BPGM: variants seen among roughly 807,000 people sequenced by gnomAD.
The protein encoded by BPGM is 2,3-bisphosphoglycerate mutase, erythrocyte.
Under a neutral mutation model 21.6 loss-of-function variants are expected in BPGM, and 15 were observed. The observed-to-expected ratio is 0.70, with a 90% CI of 0.47 to 1.07. The LOEUF is 1.07. Ranked by LOEUF, BPGM falls within the 50% of genes least tolerant of loss-of-function variation. The pLI is 0.00. For missense variants in BPGM, 273 were observed against 319.0 expected (o/e 0.86, Z 1.10); for synonymous variants, 113 against 116.2 (o/e 0.97, Z 0.18).
At chr7:134,649,297 ATTGTAGAAAAT>A (rs1795519655) in intron 1 of BPGM, among the ~76,000 whole-genome samples, 1 of 152,202 alleles carries the variant, frequency 6.6e-6, no homozygotes, top group Admixed American at 6.5e-5. Flanking sequence ...AAACCAGATT[ATTGTAGAAAAT>A]TTGGAGCATA....
intron 2 of BPGM, among the ~76,000 whole-genome samples, chr7:134,664,726 G>T (rs988027101): frequency 5.9e-5 from 9 of 152,144 alleles, no homozygotes; most frequent in Non-Finnish European, 1.3e-4. Context: ...TATAAATGGG[G>T]TCTATCTATA....
intron 2 of BPGM, among the ~76,000 whole-genome samples, chr7:134,663,083 A>C (rs761297956): frequency 1.3e-5 from 2 of 152,216 alleles, no homozygotes; most frequent in Non-Finnish European, 2.9e-5. Flanking sequence ...GCTTACTGGT[A>C]ATAAATAGAA....
At chr7:134,674,424 G>C (rs1313190950) in intron 2 of BPGM, among the ~76,000 whole-genome samples, 1 of 151,974 alleles carries the variant, frequency 6.6e-6, no homozygotes, top group Non-Finnish European at 1.5e-5. Flanking sequence ...ATTCCACCCA[G>C]CCCTGGGCAA....
chr7:134,672,806 A>G (rs1307037472), intron 2 of BPGM, among the ~76,000 whole-genome samples: 1 of 152,068 alleles, frequency 6.6e-6, no homozygotes, highest in African/African-American at 2.4e-5. Context: ...CTTTCTTAGG[A>G]TGATGAATGT....
intron 1 of BPGM, among the ~76,000 whole-genome samples, chr7:134,649,906 G>A (rs759222114): frequency 2.0e-5 from 3 of 152,114 alleles, no homozygotes; most frequent in Non-Finnish European, 2.9e-5. Context: ...TTGCTTTGAC[G>A]GGCCTGAGAT....
rs192748937 is a variant in BPGM, at chr7:134,648,925, T to G, written c.-62+1988T>G. Among the ~76,000 whole-genome samples the G allele has an allele frequency of 3.5e-3, 526 of 152,362 alleles. 3 individuals carry two copies. Among genetic ancestry groups the G allele is most frequent in the African/African-American group, 0.012 (497 of 41,584 alleles). ...ACAAGCAGAATCTCATTGCAGTAAA[T>G]TCTGTACCATCTATTAGCAAGTAAA... is the stretch of plus-strand genomic sequence containing the variant. On this transcript the variant is annotated intron_variant, in intron 1 of 2. Coordinates refer to ENST00000344924, the MANE Select transcript of BPGM (RefSeq NM_001724.5).
intron 2 of BPGM, among the ~76,000 whole-genome samples, chr7:134,664,021 C>T (rs1795777024): frequency 6.6e-6 from 1 of 152,174 alleles, no homozygotes; most frequent in South Asian, 2.1e-4. Context: ...GCAAAACTTA[C>T]TTTTCTACAT....
At position 134,678,961 on chromosome 7, in the gene BPGM, AC is replaced by A; in HGVS notation, c.712del (p.Gln238LysfsTer11). On this transcript the variant is annotated frameshift_variant, in exon 3 of 3. Coordinates refer to ENST00000344924, the MANE Select transcript of BPGM (RefSeq NM_001724.5). LOFTEE classifies it high-confidence loss of function. Reference protein sequence around the residue: ...RAVGPHQFLGDQEAIQAAIKK... With the variant: ...RAVGPHQFLGXQEAIQAAIKK... ...GTTGGGCCTCATCAGTTCCTGGGTGACCAAGAGGCGATCCAAGCAGCCATTA... is the reference window on the plus strand; with the variant it reads ...GTTGGGCCTCATCAGTTCCTGGGTGACAAGAGGCGATCCAAGCAGCCATTA... 6.2e-7 allele frequency: 1 copy of A among 1,614,190 alleles called. No individual in the cohort carries two copies. The highest frequency in any genetic ancestry group is 1.1e-5 in the South Asian group (1 of 91,084).
At chr7:134,671,793 G>A (rs1488706587) in intron 2 of BPGM, among the ~76,000 whole-genome samples, 2 of 152,208 alleles carry the variant, frequency 1.3e-5, no homozygotes, top group East Asian at 3.8e-4. Flanking sequence ...CCATAAAAGT[G>A]TTACTTACAG....
At chr7:134,675,917 G>T (rs1795978083) in intron 2 of BPGM, among the ~76,000 whole-genome samples, 1 of 152,046 alleles carries the variant, frequency 6.6e-6, no homozygotes, top group African/African-American at 2.4e-5. Context: ...GTATAGTTTT[G>T]TACTTCTTAG....
chr7:134,654,952 T>A (rs536775667), intron 1 of BPGM, among the ~76,000 whole-genome samples: 1 of 152,310 alleles, frequency 6.6e-6, no homozygotes, highest in South Asian at 2.1e-4. Flanking sequence ...GTGTAAAAGA[T>A]GTTTCCTTAG....
At chr7:134,652,748 C>G (rs1020218703) in intron 1 of BPGM, among the ~76,000 whole-genome samples, 1 of 152,176 alleles carries the variant, frequency 6.6e-6, no homozygotes, top group Non-Finnish European at 1.5e-5. Flanking sequence ...CCATGCCTGA[C>G]TTATTTCACC....
At chr7:134,648,120 TC>T (rs1795492063) in intron 1 of BPGM, among the ~76,000 whole-genome samples, 2 of 136,266 alleles carry the variant, frequency 1.5e-5, no homozygotes, top group Non-Finnish European at 3.0e-5. Context: ...TTTCTTTCTT[TC>T]TTTTGTTTTG....
intron 2 of BPGM, among the ~76,000 whole-genome samples, chr7:134,673,445 A>G (rs1044417081): frequency 1.3e-5 from 2 of 152,096 alleles, no homozygotes; most frequent in Middle Eastern, 3.2e-3. Flanking sequence ...CACAAAAGGG[A>G]CCAAACTTGA....
chr7:134,648,166 G>A lies in BPGM; in HGVS notation c.-62+1229G>A, dbSNP rs187552397. On this transcript the variant is annotated intron_variant, in intron 1 of 2. Transcript: ENST00000344924. ...TTGTTTTGTTTTCAGACGGAGTTTC[G>A]CTTCTGTTGCCCAGGCTGGAGTGCA... Among the ~76,000 whole-genome samples the A allele has an allele frequency of 3.3e-4, 46 of 139,654 alleles. No individual in the cohort carries two copies. The East Asian group carries it at 8.8e-3, about 27-fold the overall frequency. The allele number at this position is 139,654 out of a possible 152,430, so 91.6% of individuals were successfully genotyped here.
At chr7:134,671,898 C>G (rs1363738696) in intron 2 of BPGM, among the ~76,000 whole-genome samples, 1 of 152,170 alleles carries the variant, frequency 6.6e-6, no homozygotes, top group Non-Finnish European at 1.5e-5. Context: ...TTCCTGCTCT[C>G]AAGGAATTTA....
chr7:134,658,896 T>TTTTTATTTTTATTTTTA (rs1044347365), intron 1 of BPGM, among the ~76,000 whole-genome samples: 36 of 150,532 alleles, frequency 2.4e-4, no homozygotes, highest in South Asian at 4.2e-4. Flanking sequence ...GTGTGTATTT[T>TTTTTATTTTTATTTTTA]TTTTTTAGTA....
chr7:134,646,871 C>T lies in BPGM; in HGVS notation c.-128C>T, dbSNP rs113326034. Reference sequence around the variant, plus strand: ...CGGCAGTGATGAGTCCTAGGAGGCGCTGGCTCTTTGGCGGCTCGGAGGAGC... The same window carrying T: ...CGGCAGTGATGAGTCCTAGGAGGCGTTGGCTCTTTGGCGGCTCGGAGGAGC... On this transcript the variant is annotated 5_prime_UTR_variant, in exon 1 of 3. Coordinates refer to ENST00000344924, the MANE Select transcript of BPGM (RefSeq NM_001724.5). 139 of 185,692 alleles carry T rather than the reference C, an allele frequency of 7.5e-4. No homozygotes were observed. Among genetic ancestry groups the T allele is most frequent in the Non-Finnish European group, 1.3e-3 (112 of 86,244 alleles). The allele number at this position is 185,692 out of a possible 1,614,324, so 11.5% of individuals were successfully genotyped here. A position where few individuals can be genotyped will look rare whatever the true frequency, so the allele number is the denominator to read the frequency against.
intron 1 of BPGM, among the ~76,000 whole-genome samples, chr7:134,653,434 C>T (rs911816639): frequency 6.6e-6 from 1 of 152,224 alleles, no homozygotes; most frequent in Non-Finnish European, 1.5e-5. Context: ...GTTCATACTC[C>T]TGGGTTTTCC....
Sources: gnomAD v4.1 joint callset for allele counts (sites outside exome capture counted in the v4.1 genomes callset) on GRCh38, gnomAD v4.1.1 for gene constraint, MANE v1.5 for transcripts, NCBI Gene and HGNC (gene_info 2026-07-23, HGNC 2026-07-21) for gene names.